Variants in RP1 observed in about 807,000 individuals in gnomAD.
RP1 encodes RP1 axonemal microtubule associated.
Under a neutral mutation model 14.8 loss-of-function variants are expected in RP1, and 16 were observed. The observed-to-expected ratio is 1.08, with a 90% CI of 0.73 to 1.65. RP1 has a LOEUF of 1.65. Among genes scored for constraint, RP1 ranks in the 40% most tolerant of loss-of-function variants. RP1 has a pLI of 0.00. For synonymous variants in RP1, 876 were observed against 883.6 expected, an observed-to-expected ratio of 0.99 and a Z score of 0.15; for missense variants, 2,631 against 2,535.0, an observed-to-expected ratio of 1.04 and a Z score of -0.81.
chr8:54,818,825 C>T (rs555655150), intron 24 of RP1, among the ~76,000 whole-genome samples: 5 of 152,146 alleles, frequency 3.3e-5, no homozygotes, highest in Middle Eastern at 3.4e-3. Context: ...ACTGCAAATC[C>T]CAGAAACCAC....
rs372225314 is a variant in RP1, at chr8:54,741,707, GTATATATATATATATATA to G, written c.2808+2704_2808+2721del. 8.0e-3 allele frequency among the ~76,000 whole-genome samples: 465 copies of G among 58,042 alleles called. 10 individuals carry two copies. Among genetic ancestry groups the G allele is most frequent in the Admixed American group, 7.9e-3 (41 of 5,210 alleles). The allele number at this position is 58,042 out of a possible 152,430, so 38.1% of individuals were successfully genotyped here. A position where few individuals can be genotyped will look rare whatever the true frequency, so the allele number is the denominator to read the frequency against. ...TGTACATATAAATACAAATGTGTGT[GTATATATATATATATATA>G]TATATATATATATATATATATATAT... On this transcript the variant is annotated intron_variant, in intron 19 of 22. Coordinates refer to the RP1 transcript ENST00000636932.
intron 28 of RP1, among the ~76,000 whole-genome samples, chr8:54,869,595 A>G (rs1307210927): frequency 6.6e-6 from 1 of 152,174 alleles, no homozygotes; most frequent in Non-Finnish European, 1.5e-5. Flanking sequence ...TTACCAGAGG[A>G]CTTTTCTAAA....
intron 27 of RP1, among the ~76,000 whole-genome samples, chr8:54,864,371 T>A (rs894645273): frequency 1.3e-5 from 2 of 152,190 alleles, no homozygotes; most frequent in Admixed American, 1.3e-4. Flanking sequence ...ATAAATTATA[T>A]GATGAGAAAA....
At chr8:54,766,221 A>T (rs1399925966) in intron 22 of RP1, among the ~76,000 whole-genome samples, 1 of 152,200 alleles carries the variant, frequency 6.6e-6, no homozygotes, top group African/African-American at 2.4e-5. Context: ...CTGGGAAAAG[A>T]GGGGGAGATG....
chr8:54,820,698 G>A (rs1369155441), intron 24 of RP1, among the ~76,000 whole-genome samples: 1 of 152,162 alleles, frequency 6.6e-6, no homozygotes, highest in Non-Finnish European at 1.5e-5. Flanking sequence ...GCCATCTTCA[G>A]TGTCCCTTTC....
chr8:54,636,265 A>G (rs966542713), intron 3 of RP1, among the ~76,000 whole-genome samples: 4 of 152,238 alleles, frequency 2.6e-5, no homozygotes, highest in Admixed American at 6.5e-5. Context: ...AGGGACACCT[A>G]GTCATGGGTC....
intron 24 of RP1, among the ~76,000 whole-genome samples, chr8:54,809,870 A>T (rs905655012): frequency 1.3e-5 from 2 of 152,224 alleles, no homozygotes; most frequent in Non-Finnish European, 1.5e-5. Flanking sequence ...TGCAGTGTGA[A>T]CGAGAGTTGA....
chr8:54,653,410 A>G (rs933040476), intron 5 of RP1, among the ~76,000 whole-genome samples: 7 of 152,224 alleles, frequency 4.6e-5, no homozygotes, highest in African/African-American at 1.4e-4. Context: ...AGAGCTTGTC[A>G]TCCAATTTTA....
At chr8:54,643,905 A>G (rs1419307546) in intron 3 of RP1, among the ~76,000 whole-genome samples, 1 of 152,138 alleles carries the variant, frequency 6.6e-6, no homozygotes, top group East Asian at 1.9e-4. Context: ...AATAATTCAC[A>G]TCCTTAAGTG....
intron 19 of RP1, among the ~76,000 whole-genome samples, chr8:54,752,603 G>T (rs1809402080): frequency 6.6e-6 from 1 of 152,222 alleles, no homozygotes; most frequent in Non-Finnish European, 1.5e-5. Flanking sequence ...GGCAGAGCCT[G>T]TCCTGGCAGC....
intron 7 of RP1, among the ~76,000 whole-genome samples, chr8:54,672,171 G>A (rs1807194523): frequency 6.6e-6 from 1 of 152,174 alleles, no homozygotes; most frequent in South Asian, 2.1e-4. Flanking sequence ...CTGTTGAAAA[G>A]ACAGGCTGCA....
chr8:54,754,290 T>A (rs7821290), intron 19 of RP1, among the ~76,000 whole-genome samples: 9,516 of 152,106 alleles, frequency 0.063, 922 homozygotes, highest in African/African-American at 0.21. Flanking sequence ...GTATTCTTGC[T>A]TTGGTGACTA....
chr8:54,622,427 C>T (rs1204305095), intron 3 of RP1, 139 bp downstream of exon 3: 4 of 727,436 alleles, frequency 5.5e-6, no homozygotes, highest in Non-Finnish European at 9.5e-6. Flanking sequence ...ACATTCTAAA[C>T]TGAAATTGGC....
chr8:54,674,252 C>T (rs368027494), intron 8 of RP1, among the ~76,000 whole-genome samples: 3 of 152,024 alleles, frequency 2.0e-5, no homozygotes, highest in Admixed American at 6.6e-5. Flanking sequence ...GTGGTGGAGG[C>T]AGCAGTCGTA....
chr8:54,716,548 A>G lies in RP1; in HGVS notation c.2212-3581A>G, dbSNP rs377343655. ...TTGTGTTTAATTTCAAATATGACTG[A>G]TATTATAATCAGAGCATTTTGGGCA... On this transcript the variant is annotated intron_variant, in intron 15 of 22. Transcript: ENST00000636932. Among the ~76,000 whole-genome samples the G allele has an allele frequency of 4.6e-5, 7 of 152,232 alleles. No individual in the cohort carries two copies. In the East Asian group the frequency reaches 1.4e-3, roughly 30 times the overall value.
At chr8:54,568,146 G>T (rs766802687) in intron 1 of RP1, among the ~76,000 whole-genome samples, 6 of 152,094 alleles carry the variant, frequency 3.9e-5, no homozygotes, top group Admixed American at 3.3e-4. Flanking sequence ...GGAGGAAAAG[G>T]GGAGAAAAAG....
chr8:54,660,240 G>C (rs967060454), intron 6 of RP1, among the ~76,000 whole-genome samples: 4 of 152,032 alleles, frequency 2.6e-5, no homozygotes, highest in Admixed American at 1.3e-4. Context: ...ATGAGAGTGG[G>C]CATCCTTGTC....
At chr8:54,827,877 G>A (rs986105715) in intron 24 of RP1, among the ~76,000 whole-genome samples, 3 of 150,384 alleles carry the variant, frequency 2.0e-5, no homozygotes, top group Admixed American at 6.6e-5. Context: ...CAGCTTGGGC[G>A]ACAAGAGCAA....
At chr8:54,727,586 A>T (rs532866934) in intron 17 of RP1, among the ~76,000 whole-genome samples, 1 of 152,050 alleles carries the variant, frequency 6.6e-6, no homozygotes, top group Non-Finnish European at 1.5e-5. Context: ...ATTTTTAAGG[A>T]TTTTTTTTAC....
Sources: gnomAD v4.1 joint callset for allele counts (sites outside exome capture counted in the v4.1 genomes callset) on GRCh38, gnomAD v4.1.1 for gene constraint, MANE v1.5 for transcripts, NCBI Gene and HGNC (gene_info 2026-07-23, HGNC 2026-07-21) for gene names.